Variants in GOLM2 observed in about 807,000 individuals in gnomAD.
GOLM2 encodes golgi membrane protein 2.
Under a neutral mutation model 55.9 loss-of-function variants are expected in GOLM2, and 26 were observed. The ratio of observed to expected loss-of-function variants is 0.47; its 90% CI spans 0.34 to 0.65. The LOEUF is 0.65. Among genes scored for constraint, GOLM2 ranks in the 30% least tolerant of loss-of-function variants. The pLI, the probability that GOLM2 is intolerant of heterozygous loss-of-function variation, is 0.01. For synonymous variants in GOLM2, 165 were observed against 194.6 expected (o/e 0.85, Z 1.27); for missense variants, 486 against 531.8 (o/e 0.91, Z 0.85).
intron 3 of GOLM2, among the ~76,000 whole-genome samples, chr15:44,329,457 G>T (rs1328433301): frequency 1.3e-5 from 2 of 152,172 alleles, no homozygotes; most frequent in Non-Finnish European, 2.9e-5. Flanking sequence ...TAACGTAACA[G>T]TATTCAGTAT....
At chr15:44,323,569 A>G (rs1452264172) in intron 2 of GOLM2, among the ~76,000 whole-genome samples, 1 of 140,918 alleles carries the variant, frequency 7.1e-6, no homozygotes, top group Non-Finnish European at 1.6e-5. Context: ...TTTTATGGAG[A>G]AAAAAAAAAA....
chr15:44,365,677 G>T (rs550345692), intron 6 of GOLM2, among the ~76,000 whole-genome samples: 127 of 152,138 alleles, frequency 8.3e-4, no homozygotes, highest in Non-Finnish European at 1.6e-3. Flanking sequence ...TAGTTGCAAG[G>T]GGATGGGGTA....
At position 44,387,043 on chromosome 15, in the gene GOLM2, C is replaced by T. The variant is rs1459313818; in HGVS notation, c.1072+6067C>T. Reference sequence around the variant, plus strand: ...TACAAAAACTACCCACATATGGTGGCATGCACCTGTAGTCCCCGTTACTTG... The same window carrying T: ...TACAAAAACTACCCACATATGGTGGTATGCACCTGTAGTCCCCGTTACTTG... On this transcript the variant is annotated intron_variant, in intron 8 of 9. Coordinates refer to ENST00000299957, the MANE Select transcript of GOLM2 (RefSeq NM_138423.4). 3.3e-5 allele frequency among the ~76,000 whole-genome samples: 5 copies of T among 152,008 alleles called. No individual in the cohort carries two copies. In the East Asian group the frequency reaches 7.8e-4, roughly 24 times the overall value.
intron 8 of GOLM2, 129 bp downstream of exon 8, chr15:44,381,105 AGT>A (rs1446997189): frequency 5.6e-6 from 3 of 536,450 alleles, no homozygotes; most frequent in African/African-American, 2.0e-5. Flanking sequence ...AAGGTATGAA[AGT>A]GTCAAAATTT....
intron 4 of GOLM2, 32 bp from the exon 5 acceptor site, chr15:44,337,731 G>GA: frequency 6.6e-7 from 1 of 1,522,174 alleles, no homozygotes; most frequent in Non-Finnish European, 8.8e-7. Flanking sequence ...AATTTGAACT[G>GA]AAAAATATTA....
At chr15:44,353,442 T>G (rs1031995421) in intron 6 of GOLM2, among the ~76,000 whole-genome samples, 19 of 152,110 alleles carry the variant, frequency 1.2e-4, no homozygotes, top group African/African-American at 3.9e-4. Context: ...AATATATATA[T>G]AGAAAGGAAA....
rs1008626926 is a variant in GOLM2 at position 44,415,533 on chromosome 15, C to A, written c.*2127C>A. 4 of 152,588 alleles carry A rather than the reference C, an allele frequency of 2.6e-5. No individual in the cohort carries two copies. Among genetic ancestry groups the A allele is most frequent in the African/African-American group, 9.7e-5 (4 of 41,436 alleles). The allele number at this position is 152,588 out of a possible 1,614,324, so 9.5% of individuals were successfully genotyped here. ...AATCTTGGACCAATTGATAATATTT[C>A]TGACTGTATTAATATTTTAGTGCTA... On this transcript the variant is annotated 3_prime_UTR_variant, in exon 10 of 10. Transcript: ENST00000299957.
At chr15:44,391,342 G>A (rs551447293) in intron 8 of GOLM2, among the ~76,000 whole-genome samples, 14 of 151,790 alleles carry the variant, frequency 9.2e-5, no homozygotes, top group African/African-American at 2.7e-4. Flanking sequence ...GTGAAGCCCC[G>A]TCTCTACTAA....
intron 1 of GOLM2, among the ~76,000 whole-genome samples, chr15:44,296,471 G>C (rs1391560708): frequency 1.3e-5 from 2 of 152,050 alleles, no homozygotes; most frequent in Admixed American, 6.6e-5. Flanking sequence ...AGTTGAATGG[G>C]GAAAAGGTCA....
chr15:44,295,917 TACACACAC>T (rs71421830), intron 1 of GOLM2, among the ~76,000 whole-genome samples: 9 of 143,062 alleles, frequency 6.3e-5, no homozygotes, highest in African/African-American at 2.3e-4. Flanking sequence ...CCACCACACA[TACACACAC>T]ACACACACAC....
intron 2 of GOLM2, among the ~76,000 whole-genome samples, chr15:44,324,450 T>A (rs2078969209): frequency 6.6e-6 from 1 of 152,180 alleles, no homozygotes; most frequent in Non-Finnish European, 1.5e-5. Flanking sequence ...TTTAAAAATT[T>A]AAAATTGAAA....
intron 6 of GOLM2, among the ~76,000 whole-genome samples, chr15:44,373,422 A>C (rs1424256236): frequency 1.4e-5 from 2 of 147,178 alleles, no homozygotes; most frequent in Non-Finnish European, 3.0e-5. Context: ...GTGCCACTGC[A>C]CTCCAGCCTG....
intron 6 of GOLM2, among the ~76,000 whole-genome samples, chr15:44,354,339 AC>A (rs1389412691): frequency 6.6e-6 from 1 of 151,512 alleles, no homozygotes; most frequent in Non-Finnish European, 1.5e-5. Context: ...TAGGAGATAT[AC>A]CTAATGCTAA....
intron 1 of GOLM2, among the ~76,000 whole-genome samples, chr15:44,309,863 A>G (rs2078861547): frequency 6.6e-6 from 1 of 152,032 alleles, no homozygotes; most frequent in Non-Finnish European, 1.5e-5. Flanking sequence ...ATCTAATTTT[A>G]GAGGCCCCAC....
chr15:44,307,579 G>A (rs1324078716), intron 1 of GOLM2: 2 of 152,132 alleles, frequency 1.3e-5, no homozygotes, highest in Non-Finnish European at 1.5e-5. Flanking sequence ...CTTTATGATT[G>A]TTCAAAGTTT....
intron 9 of GOLM2, among the ~76,000 whole-genome samples, chr15:44,411,977 G>A (rs2079641651): frequency 6.6e-6 from 1 of 152,048 alleles, no homozygotes; most frequent in African/African-American, 2.4e-5. Context: ...GACTAGCCTG[G>A]GCAAATGGCA....
chr15:44,384,639 T>C (rs1261129597), intron 8 of GOLM2, among the ~76,000 whole-genome samples: 2 of 151,776 alleles, frequency 1.3e-5, no homozygotes, highest in Non-Finnish European at 2.9e-5. Flanking sequence ...CCCAGCTACT[T>C]GGGAGGCTGA....
intron 9 of GOLM2, among the ~76,000 whole-genome samples, chr15:44,412,226 G>A (rs2079643055): frequency 6.6e-6 from 1 of 152,148 alleles, no homozygotes; most frequent in Non-Finnish European, 1.5e-5. Flanking sequence ...TTCAAAACCT[G>A]TAATTTGCAG....
At chr15:44,303,146 T>C (rs2078811347) in intron 1 of GOLM2, among the ~76,000 whole-genome samples, 3 of 151,260 alleles carry the variant, frequency 2.0e-5, no homozygotes, top group Non-Finnish European at 4.4e-5. Context: ...ATAAATAGTC[T>C]AAATCTAGTA....
Sources: allele counts gnomAD v4.1 joint callset (sites outside exome capture counted in the v4.1 genomes callset), GRCh38; gene constraint gnomAD v4.1.1; transcripts MANE v1.5; gene names NCBI Gene and HGNC (gene_info 2026-07-23, HGNC 2026-07-21).